MRPS15: variants seen among roughly 807,000 people sequenced by gnomAD.
The protein encoded by MRPS15 is small ribosomal subunit protein uS15m.
In MRPS15, 25 loss-of-function variants were observed where a neutral mutation model predicts 30.7. The ratio of observed to expected loss-of-function variants is 0.81; its 90% CI spans 0.59 to 1.14. The LOEUF (loss-of-function observed/expected upper bound fraction) is 1.14. MRPS15 is among the 50% of genes most tolerant of loss of function. The probability of loss-of-function intolerance (pLI) is 0.00; values close to 1 mark genes in which losing one functional copy is unlikely to be tolerated. For missense variants in MRPS15, 313 were observed against 321.7 expected (o/e 0.97, Z 0.21); for synonymous variants, 124 against 120.1 (o/e 1.03, Z -0.21).
rs750095902 is a variant in MRPS15 at position 36,455,863 on chromosome 1, G to GGCT, written c.696_698dup (p.Ala233dup). On this transcript the variant is annotated inframe_insertion, in exon 8 of 8. Transcript: ENST00000373116. ...GGTTCCTCCGCTTTGCTTGTTTTTG[G>GGCT]GCTGCTGCTGCAGCCTTTAAGGCTC... is the stretch of plus-strand genomic sequence containing the variant. The GGCT allele has an allele frequency of 4.2e-5, 68 of 1,613,920 alleles. No homozygotes were observed. Among genetic ancestry groups the GGCT allele is most frequent in the Non-Finnish European group, 5.5e-5 (65 of 1,180,014 alleles).
At chr1:36,456,012 C>A in intron 7 of MRPS15, 87 bp from the exon 8 acceptor site, 1 of 1,541,044 alleles carries the variant, frequency 6.5e-7, no homozygotes. Context: ...CTATTTCCCC[C>A]AGATGGTAAC....
chr1:36,463,639 C>G (rs1650142795), intron 2 of MRPS15, among the ~76,000 whole-genome samples, 167 bp downstream of exon 2: 2 of 152,216 alleles, frequency 1.3e-5, no homozygotes, highest in African/African-American at 4.8e-5. Flanking sequence ...TGTCCCCATA[C>G]AGGCTGCAGG....
Position 36,457,909 on chromosome 1 carries a change from C to T in MRPS15, c.444+14G>A, listed in dbSNP as rs369530990. On this transcript the variant is annotated intron_variant, in intron 6 of 7. Transcript: ENST00000373116. ...GCTGCTGCTGTTTAACTGTGAATGA[C>T]GTCCAGAGTTTACCTTTCGATGTTT... is the stretch of plus-strand genomic sequence containing the variant. 97 of 1,613,418 alleles carry T rather than the reference C, an allele frequency of 6.0e-5. 1 individual carries two copies. In the Middle Eastern group the frequency reaches 8.3e-4, roughly 14 times the overall value.
chr1:36,457,549 T>C (rs998163630), intron 6 of MRPS15, among the ~76,000 whole-genome samples: 1 of 152,204 alleles, frequency 6.6e-6, no homozygotes, highest in African/African-American at 2.4e-5. Context: ...TGAGCAAGTA[T>C]TTGTATGATC....
intron 2 of MRPS15, among the ~76,000 whole-genome samples, 156 bp downstream of exon 2, chr1:36,463,650 C>T (rs767814970): frequency 6.6e-6 from 1 of 152,186 alleles, no homozygotes; most frequent in African/African-American, 2.4e-5. Context: ...AGGCTGCAGG[C>T]CTAGGGCTTT....
rs767219882 is a variant in MRPS15, at chr1:36,460,684, C to T, written c.385+8G>A. 45 of 1,613,008 alleles carry T rather than the reference C, an allele frequency of 2.8e-5. No individual in the cohort carries two copies. Among genetic ancestry groups the T allele is most frequent in the East Asian group, 4.5e-5 (2 of 44,888 alleles). Reference sequence around the variant, plus strand: ...TACACCCCCACTCCCCAAGGGTCCCCGACCAACTTCGAGCCTCCAGGGATC... The same window carrying T: ...TACACCCCCACTCCCCAAGGGTCCCTGACCAACTTCGAGCCTCCAGGGATC... On this transcript the variant is annotated splice_region_variant and intron_variant, in intron 5 of 7. Transcript: ENST00000373116.
chr1:36,462,797 A>G (rs1650123220), intron 2 of MRPS15, among the ~76,000 whole-genome samples: 1 of 152,202 alleles, frequency 6.6e-6, no homozygotes, highest in African/African-American at 2.4e-5. Context: ...GGGAGGCAGA[A>G]AAGAATTATA....
At chr1:36,461,159 A>C in intron 4 of MRPS15, 105 bp downstream of exon 4, 1 of 1,070,566 alleles carries the variant, frequency 9.3e-7, no homozygotes, top group South Asian at 1.3e-5. Flanking sequence ...CAGTGGGCTA[A>C]GTGCTGTGAC....
chr1:36,460,678 G>A lies in MRPS15; in HGVS notation c.385+14C>T, dbSNP rs1021012577. 2.5e-6 allele frequency: 4 copies of A among 1,611,210 alleles called. No individual in the cohort carries two copies. Among genetic ancestry groups the A allele is most frequent in the Non-Finnish European group, 3.4e-6 (4 of 1,177,556 alleles). On this transcript the variant is annotated intron_variant, in intron 5 of 7. Coordinates refer to ENST00000373116, the MANE Select transcript of MRPS15 (RefSeq NM_031280.4). ...CTTCCCTACACCCCCACTCCCCAAG[G>A]GTCCCCGACCAACTTCGAGCCTCCA... is the stretch of plus-strand genomic sequence containing the variant.
intron 4 of MRPS15, 121 bp downstream of exon 4, chr1:36,461,143 G>T: frequency 1.0e-6 from 1 of 957,594 alleles, no homozygotes; most frequent in Non-Finnish European, 1.7e-6. Flanking sequence ...AATGGAGGCA[G>T]AATGACAGTG....
chr1:36,457,288 A>AT (rs1445837793), intron 6 of MRPS15, among the ~76,000 whole-genome samples: 4,452 of 148,452 alleles, frequency 0.03, 80 homozygotes, highest in Middle Eastern at 0.049. Context: ...AAAAAAAAAA[A>AT]AAATATATAT....
chr1:36,457,290 A>AATAT (rs1553150544), intron 6 of MRPS15, among the ~76,000 whole-genome samples: 4 of 138,674 alleles, frequency 2.9e-5, no homozygotes. Context: ...AAAAAAAAAA[A>AATAT]ATATATATAT....
At chr1:36,456,055 G>T in intron 7 of MRPS15, 130 bp from the exon 8 acceptor site, 1 of 1,477,468 alleles carries the variant, frequency 6.8e-7, no homozygotes, top group Non-Finnish European at 9.1e-7. Context: ...GGTGGCCTGT[G>T]ACCTCCCTGG....
At chr1:36,461,525 C>T (rs1317596941) in intron 3 of MRPS15, among the ~76,000 whole-genome samples, 2 of 152,076 alleles carry the variant, frequency 1.3e-5, no homozygotes, top group Non-Finnish European at 2.9e-5. Flanking sequence ...GCTGTCAGCT[C>T]GACTGTTCCG....
At chr1:36,460,932 A>G (rs148970674) in intron 4 of MRPS15, among the ~76,000 whole-genome samples, 156 bp from the exon 5 acceptor site, 108 of 152,348 alleles carry the variant, frequency 7.1e-4, no homozygotes, top group Non-Finnish European at 1.4e-3. Context: ...GACCAACCAC[A>G]TGGCTATCCA....
At chr1:36,460,624 G>A (rs1650076356) in intron 5 of MRPS15, 68 bp downstream of exon 5, 1 of 1,184,956 alleles carries the variant, frequency 8.4e-7, no homozygotes. Context: ...TTGTAGACAA[G>A]AGCCCTAGAT....
At position 36,463,656 on chromosome 1, in the gene MRPS15, G is replaced by A. The variant is rs1357373025; in HGVS notation, c.175+150C>T. 9 of 860,666 alleles carry A rather than the reference G, an allele frequency of 1.0e-5. No individual in the cohort carries two copies. In the East Asian group the frequency reaches 1.9e-4, roughly 18 times the overall value. 53.3% of individuals were successfully genotyped at this position (860,666 alleles called of 1,614,324 possible). ...TCCCCATACAGGCTGCAGGCCTAGG[G>A]CTTTGTGTAAGGTGGACGTGGGGTC... is the stretch of plus-strand genomic sequence containing the variant. On this transcript the variant is annotated intron_variant, in intron 2 of 7. Coordinates refer to ENST00000373116, the MANE Select transcript of MRPS15 (RefSeq NM_031280.4).
At chr1:36,463,626 C>T (rs1038591888) in intron 2 of MRPS15, among the ~76,000 whole-genome samples, 180 bp downstream of exon 2, 2 of 152,204 alleles carry the variant, frequency 1.3e-5, no homozygotes, top group African/African-American at 4.8e-5. Context: ...CTTCACACCC[C>T]TCTGTCCCCA....
chr1:36,459,885 G>C (rs1650061950), intron 5 of MRPS15, among the ~76,000 whole-genome samples: 1 of 152,218 alleles, frequency 6.6e-6, no homozygotes, highest in Non-Finnish European at 1.5e-5. Context: ...AGGGGGAAAT[G>C]GTGGTGCTTT....
Sources: allele counts gnomAD v4.1 joint callset (sites outside exome capture counted in the v4.1 genomes callset), GRCh38; gene constraint gnomAD v4.1.1; transcripts MANE v1.5; gene names NCBI Gene and HGNC (gene_info 2026-07-23, HGNC 2026-07-21).